Variants in LTA4H observed in about 807,000 individuals in gnomAD.
LTA4H encodes leukotriene A4 hydrolase.
In LTA4H, 59 loss-of-function variants were observed where a neutral mutation model predicts 89.8. The ratio of observed to expected loss-of-function variants is 0.66; its 90% CI spans 0.53 to 0.82. LTA4H has a LOEUF of 0.82. Ranked by LOEUF, LTA4H falls within the 40% of genes least tolerant of loss-of-function variation. The probability of loss-of-function intolerance (pLI) is 0.00; values close to 1 mark genes in which losing one functional copy is unlikely to be tolerated. For missense variants in LTA4H, 617 were observed against 727.0 expected, an observed-to-expected ratio of 0.85 and a Z score of 1.74; for synonymous variants, 227 against 253.1, an observed-to-expected ratio of 0.90 and a Z score of 0.98.
At chr12:96,035,647 GA>G, upstream of LTA4H, 1 of 1,433,926 alleles carries the variant, frequency 7.0e-7, no homozygotes, top group Non-Finnish European at 9.2e-7. Flanking sequence ...TGCACGCCGG[GA>G]AAGGAAGTTT....
chr12:96,033,503 T>C (rs996738404), intron 1 of LTA4H, among the ~76,000 whole-genome samples: 3 of 152,228 alleles, frequency 2.0e-5, no homozygotes, highest in African/African-American at 7.2e-5. Context: ...TCTAGTACTT[T>C]TGAATGTAGG....
intron 14 of LTA4H, chr12:96,011,705 T>C (rs1198118742): frequency 1.3e-5 from 2 of 152,218 alleles, no homozygotes; most frequent in Admixed American, 1.3e-4. Flanking sequence ...TTGAGCTGAA[T>C]CTTTATTACA....
At chr12:96,032,298 G>A (rs1040580250) in intron 1 of LTA4H, among the ~76,000 whole-genome samples, 6 of 152,190 alleles carry the variant, frequency 3.9e-5, no homozygotes, top group African/African-American at 1.2e-4. Flanking sequence ...CTCTAAGAAC[G>A]GAGAGGAAAA....
chr12:96,043,455 T>C lies in LTA4H; in HGVS notation c.-80A>G, dbSNP rs1179212028. The C allele has an allele frequency of 3.6e-5, 32 of 889,640 alleles. No homozygotes were observed. The Admixed American group carries it at 6.5e-4, about 18-fold the overall frequency. The allele number at this position is 889,640 out of a possible 1,614,324, so 55.1% of individuals were successfully genotyped here. A position where few individuals can be genotyped will look rare whatever the true frequency, so the allele number is the denominator to read the frequency against. On this transcript the variant is annotated 5_prime_UTR_variant, in exon 1 of 18. Coordinates refer to the LTA4H transcript ENST00000413268. Reference sequence around the variant, plus strand: ...CCATGCATCCTCTTGCCCTCTTCCCTTGTTGCTTTAAAAGACAAACATGCG... The same window carrying C: ...CCATGCATCCTCTTGCCCTCTTCCCCTGTTGCTTTAAAAGACAAACATGCG...
chr12:96,003,887 G>A lies in LTA4H; in HGVS notation c.1564C>T (p.Gln522Ter). 1 of 1,610,186 alleles carries A rather than the reference G, an allele frequency of 6.2e-7. No individual in the cohort carries two copies. Among genetic ancestry groups the A allele is most frequent in the Non-Finnish European group, 8.5e-7 (1 of 1,177,908 alleles). Residue 522 changes from glutamine to a stop codon, truncating the protein, a stop_gained, in exon 17 of 19, where the codon CAA (glutamine) becomes TAA (stop). Transcript: ENST00000228740. LOFTEE classifies it high-confidence loss of function. ...PLPLGHIKRM[Q>*]EVYNFNAINN... Reference sequence around the variant, plus strand: ...ATGGCATTGAAGTTGTACACCTCTTGCATTCGCTTTATGTGCCCCAATGGA... The same window carrying A: ...ATGGCATTGAAGTTGTACACCTCTTACATTCGCTTTATGTGCCCCAATGGA...
chr12:96,016,806 C>G (rs1950383326), intron 10 of LTA4H, among the ~76,000 whole-genome samples: 1 of 151,130 alleles, frequency 6.6e-6, no homozygotes, highest in Non-Finnish European at 1.5e-5. Context: ...GAGGCTGAGA[C>G]AGAAGAATCA....
At position 96,006,354 on chromosome 12, in the gene LTA4H, G is replaced by A. The variant is rs769445561; in HGVS notation, c.1490C>T (p.Ser497Phe). The A allele has an allele frequency of 1.2e-6, 2 of 1,612,072 alleles. No individual in the cohort carries two copies. Among genetic ancestry groups the A allele is most frequent in the South Asian group, 1.1e-5 (1 of 90,910 alleles). Residue 497 changes from serine (S) to phenylalanine (F), a missense_variant, in exon 16 of 19, where the codon TCT becomes TTT. By Grantham distance (155) the Ser-to-Phe change is radical. Coordinates refer to ENST00000228740, the MANE Select transcript of LTA4H (RefSeq NM_000895.3). Reference protein sequence around the residue: ...FNATDLKDLSSHQLNEFLAQT... With the variant: ...FNATDLKDLSFHQLNEFLAQT... ...TGCTAAAAACTCATTCAATTGATGA[G>A]AAGAGAGATCCTTCAGGTCTGTGGC...
chr12:96,024,669 AT>A (rs5800241), intron 3 of LTA4H, 122 bp from the exon 4 acceptor site: 97,003 of 406,450 alleles, frequency 0.24, 1,413 homozygotes, highest in East Asian at 0.34. Context: ...ATTTCTTGGG[AT>A]TTTTTTTTTT....
chr12:96,035,733 T>G (rs1422477275), upstream of LTA4H: 5 of 1,286,908 alleles, frequency 3.9e-6, no homozygotes, highest in Non-Finnish European at 5.1e-6. Context: ...AAGCGGGCGC[T>G]TGGCTACCTG....
chr12:96,019,152 T>G lies in LTA4H; in HGVS notation c.711+16A>C. 1 of 1,603,574 alleles carries G rather than the reference T, an allele frequency of 6.2e-7. No homozygotes were observed. Among genetic ancestry groups the G allele is most frequent in the Non-Finnish European group, 8.5e-7 (1 of 1,174,656 alleles). On this transcript the variant is annotated intron_variant, in intron 7 of 18. Coordinates refer to ENST00000228740, the MANE Select transcript of LTA4H (RefSeq NM_000895.3). ...TGTCTATCACAATGATTACAAAGGA[T>G]AACTAAATGACCAACCTCAGAAAAC...
chr12:96,001,584 A>T lies in LTA4H; in HGVS notation c.1719-478T>A, dbSNP rs190749917. ...TTTTTAAAAACTGCTTTTAAAAAAA[A>T]TTTTTTAATCAAGATTTTAAGAGTA... On this transcript the variant is annotated intron_variant, in intron 18 of 18. Coordinates refer to ENST00000228740, the MANE Select transcript of LTA4H (RefSeq NM_000895.3). Among the ~76,000 whole-genome samples, 389 of 152,284 alleles carry T rather than the reference A, an allele frequency of 2.6e-3. 4 individuals carry two copies. The highest frequency in any genetic ancestry group is 8.3e-3 in the African/African-American group (345 of 41,560).
chr12:96,001,604 A>G (rs1950104681), intron 18 of LTA4H, among the ~76,000 whole-genome samples: 1 of 152,222 alleles, frequency 6.6e-6, no homozygotes, highest in Non-Finnish European at 1.5e-5. Context: ...CAAGATTTTA[A>G]GAGTATGAAA....
chr12:96,007,339 TATTA>T (rs1177433479), intron 15 of LTA4H, among the ~76,000 whole-genome samples: 4 of 152,120 alleles, frequency 2.6e-5, no homozygotes, highest in African/African-American at 7.2e-5. Flanking sequence ...CTAAACTATA[TATTA>T]ATTAAGGATA....
intron 4 of LTA4H, 105 bp downstream of exon 4, chr12:96,024,374 A>C: frequency 1.5e-6 from 1 of 646,170 alleles, no homozygotes; most frequent in Admixed American, 2.9e-5. Context: ...TTCATTAAGA[A>C]AAATAATTCT....
intron 14 of LTA4H, chr12:96,010,141 T>TA (rs1950275699): frequency 6.6e-6 from 1 of 152,152 alleles, no homozygotes; most frequent in South Asian, 2.1e-4. Context: ...ATTGATTTCT[T>TA]AAAAAATAAT....
chr12:96,005,491 T>C (rs761386768), intron 16 of LTA4H, among the ~76,000 whole-genome samples: 4 of 152,210 alleles, frequency 2.6e-5, no homozygotes, highest in African/African-American at 7.2e-5. Flanking sequence ...TCATCACATC[T>C]GGTCCTACCA....
chr12:96,013,934 T>A (rs1950341114), intron 12 of LTA4H, 81 bp from the exon 13 acceptor site: 1 of 669,814 alleles, frequency 1.5e-6, no homozygotes, highest in South Asian at 1.8e-5. Flanking sequence ...CATTGTACTA[T>A]TAACCACAGA....
At chr12:96,029,433 C>T (rs1306686809) in intron 1 of LTA4H, among the ~76,000 whole-genome samples, 1 of 152,106 alleles carries the variant, frequency 6.6e-6, no homozygotes, top group Admixed American at 6.6e-5. Context: ...AAATTTTGGG[C>T]TTTAAGTAAA....
chr12:96,032,350 C>A (rs1156789585), intron 1 of LTA4H, among the ~76,000 whole-genome samples: 1 of 152,236 alleles, frequency 6.6e-6, no homozygotes, highest in Admixed American at 6.5e-5. Context: ...GGCACTGGGT[C>A]TTCCCATCTC....
Sources: allele counts gnomAD v4.1 joint callset (sites outside exome capture counted in the v4.1 genomes callset), GRCh38; gene constraint gnomAD v4.1.1; transcripts MANE v1.5; gene names NCBI Gene and HGNC (gene_info 2026-07-23, HGNC 2026-07-21).